GYPC: variants seen among roughly 807,000 people sequenced by gnomAD.
The protein encoded by GYPC is glycophorin C (Gerbich blood group), also known as glycophorin-C.
Under a neutral mutation model 12.6 loss-of-function variants are expected in GYPC, and 14 were observed. The observed-to-expected ratio is 1.11, with a 90% confidence interval of 0.74 to 1.74. GYPC has a LOEUF of 1.74. GYPC is among the 40% of genes most tolerant of loss of function. The probability of loss-of-function intolerance (pLI) is 0.00; values close to 1 mark genes in which losing one functional copy is unlikely to be tolerated. For synonymous variants in GYPC, 78 were observed against 62.1 expected (o/e 1.26, Z -1.20); for missense variants, 225 against 172.1 (o/e 1.31, Z -1.72).
chr2:126,681,847 T>C (rs1329518716), intron 1 of GYPC, among the ~76,000 whole-genome samples: 5 of 151,036 alleles, frequency 3.3e-5, no homozygotes, highest in Admixed American at 2.6e-4. Context: ...TTCCTCAAAA[T>C]GGTCTGGCCA....
intron 1 of GYPC, among the ~76,000 whole-genome samples, chr2:126,682,947 C>A (rs28387181): frequency 6.6e-6 from 1 of 152,146 alleles, no homozygotes; most frequent in African/African-American, 2.4e-5. Context: ...AGAAATCTTC[C>A]GGCAGGGTGT....
chr2:126,663,310 A>G (rs1161647486), intron 1 of GYPC, among the ~76,000 whole-genome samples: 2 of 152,202 alleles, frequency 1.3e-5, no homozygotes, highest in Non-Finnish European at 2.9e-5. Context: ...TGCTGGGATT[A>G]TAGGCATGAG....
chr2:126,694,927 C>T (rs1311120555), intron 3 of GYPC, among the ~76,000 whole-genome samples: 1 of 152,170 alleles, frequency 6.6e-6, no homozygotes, highest in Non-Finnish European at 1.5e-5. Flanking sequence ...CAGCTTCACA[C>T]TGTACTTCCC....
At chr2:126,693,115 G>A (rs1226936716) in intron 2 of GYPC, among the ~76,000 whole-genome samples, 1 of 152,224 alleles carries the variant, frequency 6.6e-6, no homozygotes, top group Admixed American at 6.5e-5. Flanking sequence ...ATGGGAGGTG[G>A]GACCTAGTGG....
At chr2:126,675,668 G>T in intron 1 of GYPC, 1 of 984,864 alleles carries the variant, frequency 1.0e-6, no homozygotes, top group Non-Finnish European at 1.2e-6. Flanking sequence ...ACCTGTCGTG[G>T]CTGTTCGTCA....
chr2:126,656,461 C>G (rs1682359367), intron 1 of GYPC, 149 bp downstream of exon 1: 4 of 655,438 alleles, frequency 6.1e-6, no homozygotes, highest in Non-Finnish European at 7.6e-6. Flanking sequence ...GGCTCAGATC[C>G]CCGACTCCAG....
In GYPC at chr2:126,694,239, G is replaced by A. The variant is rs1176499654; in HGVS notation, c.190+292G>A. Among the ~76,000 whole-genome samples, 3 of 152,224 alleles carry A rather than the reference G, an allele frequency of 2.0e-5. No homozygotes were observed. In the East Asian group the frequency reaches 5.8e-4, roughly 29 times the overall value. On this transcript the variant is annotated intron_variant, in intron 3 of 3. Transcript: ENST00000259254. ...AGTTTTGGTGAAGGAGGTTGAGGGT[G>A]GAGGTGAGATGAGGGTAGACTGACC... is the stretch of plus-strand genomic sequence containing the variant.
chr2:126,660,032 G>A (rs1028997017), intron 1 of GYPC, among the ~76,000 whole-genome samples: 1 of 152,200 alleles, frequency 6.6e-6, no homozygotes, highest in Non-Finnish European at 1.5e-5. Flanking sequence ...AGGGCACCCA[G>A]ACACTGAGGG....
intron 1 of GYPC, among the ~76,000 whole-genome samples, chr2:126,675,364 A>G (rs1458781016): frequency 6.6e-6 from 1 of 152,196 alleles, no homozygotes; most frequent in Non-Finnish European, 1.5e-5. Flanking sequence ...ACATAGAATA[A>G]TAAATAATTA....
rs906687688 is a variant in GYPC at position 126,656,329 on chromosome 2, G to C, written c.49+17G>C. On this transcript the variant is annotated intron_variant, in intron 1 of 3. Transcript: ENST00000259254. ...TCAGCCTCGGTGAGTACCCGCCGTG[G>C]GGAAGGGTCCTGGGGACCCACTGGA... 13 of 1,586,308 alleles carry C rather than the reference G, an allele frequency of 8.2e-6. No individual in the cohort carries two copies. Among genetic ancestry groups the C allele is most frequent in the African/African-American group, 1.4e-5 (1 of 74,042 alleles).
At position 126,692,794 on chromosome 2, in the gene GYPC, G is replaced by A. The variant is rs191569010; in HGVS notation, c.107-1070G>A. On this transcript the variant is annotated intron_variant, in intron 2 of 3. Coordinates refer to ENST00000259254, the MANE Select transcript of GYPC (RefSeq NM_002101.5). ...GTAAAGACCTATGGGAGGGCTTCAG[G>A]AATGACTCCTCAGACAGGAGCCCTG... Among the ~76,000 whole-genome samples the A allele has an allele frequency of 9.4e-3, 1,427 of 152,230 alleles. 13 individuals are homozygous for A. Among genetic ancestry groups the A allele is most frequent in the Non-Finnish European group, 0.014 (962 of 68,008 alleles).
At chr2:126,671,680 T>C (rs1192795833) in intron 1 of GYPC, among the ~76,000 whole-genome samples, 2 of 152,190 alleles carry the variant, frequency 1.3e-5, no homozygotes, top group Admixed American at 6.5e-5. Flanking sequence ...CCACAAATGG[T>C]CACTGAGCAC....
intron 1 of GYPC, among the ~76,000 whole-genome samples, chr2:126,671,995 A>C (rs1682867523): frequency 6.6e-6 from 1 of 152,192 alleles, no homozygotes; most frequent in African/African-American, 2.4e-5. Flanking sequence ...TGACAGGCAG[A>C]GAGCACAGCA....
At chr2:126,675,776 T>A in intron 1 of GYPC, 1 of 583,082 alleles carries the variant, frequency 1.7e-6, no homozygotes, top group South Asian at 7.6e-5. Flanking sequence ...ATTAGTGATA[T>A]TCACCGTAGT....
chr2:126,679,952 G>A (rs1394379861), intron 1 of GYPC: 1 of 152,142 alleles, frequency 6.6e-6, no homozygotes, highest in Non-Finnish European at 1.5e-5. Flanking sequence ...TACAACTTGT[G>A]GGCCAAATGC....
At chr2:126,689,537 A>C (rs1683393339) in intron 1 of GYPC, among the ~76,000 whole-genome samples, 1 of 150,768 alleles carries the variant, frequency 6.6e-6, no homozygotes, top group Admixed American at 6.6e-5. Context: ...TCACAGGGGC[A>C]GATCCCTCAT....
At chr2:126,663,183 A>C (rs1682582691) in intron 1 of GYPC, among the ~76,000 whole-genome samples, 1 of 152,164 alleles carries the variant, frequency 6.6e-6, no homozygotes, top group African/African-American at 2.4e-5. Context: ...GATTACAGAC[A>C]TGTGCCACCA....
intron 1 of GYPC, chr2:126,686,534 C>T (rs1683295808): frequency 1.0e-6 from 1 of 985,300 alleles, no homozygotes. Flanking sequence ...TCGTGGTTCC[C>T]CAGAAGGCTT....
chr2:126,691,056 G>A (rs382844), intron 2 of GYPC, among the ~76,000 whole-genome samples: 89,558 of 150,052 alleles, frequency 0.6, 26,985 homozygotes, highest in African/African-American at 0.71. Flanking sequence ...TTCTTCCTAG[G>A]TGATATTATT....
Sources: gnomAD v4.1 joint callset for allele counts (sites outside exome capture counted in the v4.1 genomes callset) on GRCh38, gnomAD v4.1.1 for gene constraint, MANE v1.5 for transcripts, NCBI Gene and HGNC (gene_info 2026-07-23, HGNC 2026-07-21) for gene names.